NUGGC: variants seen among roughly 807,000 people sequenced by gnomAD.
NUGGC encodes the protein nuclear GTPase, germinal center associated.
NUGGC carries 58 observed loss-of-function variants against 92.6 expected under a neutral mutation model. The observed-to-expected ratio is 0.63, with a 90% CI of 0.51 to 0.78. The LOEUF is 0.78. Among genes scored for constraint, NUGGC ranks in the 30% least tolerant of loss-of-function variants. NUGGC has a pLI of 0.00. For missense variants in NUGGC, 925 were observed against 964.6 expected (o/e 0.96, Z 0.54); for synonymous variants, 376 against 366.4 (o/e 1.03, Z -0.30).
intron 7 of NUGGC, among the ~76,000 whole-genome samples, chr8:28,061,767 C>T (rs1810311683): frequency 6.6e-6 from 1 of 152,116 alleles, no homozygotes; most frequent in Admixed American, 6.5e-5. Flanking sequence ...TGTCTGGAGA[C>T]ATTTTTAATT....
rs774831269 is a variant in NUGGC at position 28,026,967 on chromosome 8, A to G, written c.2240T>C (p.Leu747Pro). 6 of 1,611,074 alleles carry G rather than the reference A, an allele frequency of 3.7e-6. No homozygotes were observed. The highest frequency in any genetic ancestry group is 5.1e-6 in the Non-Finnish European group (6 of 1,177,300). The change falls in exon 18 of 19, where the codon CTT (leucine) becomes CCT (proline). Residue 747 changes from leucine to proline, a missense_variant. Leu to Pro is a moderately conservative substitution (Grantham distance 98). Transcript: ENST00000413272. Reference protein sequence around the residue: ...SSQGDGLYKELADVGSEYKEM... With the variant: ...SSQGDGLYKEPADVGSEYKEM... ...CAAAGCTTTGGCGTATTTACCTGCA[A>G]GCTCCTTGTAGAGGCCATCCCCCTG...
Position 28,023,281 on chromosome 8 carries a change from G to C in NUGGC, c.*36C>G, listed in dbSNP as rs1264665031. On this transcript the variant is annotated 3_prime_UTR_variant, in exon 19 of 19. Coordinates refer to ENST00000413272, the MANE Select transcript of NUGGC (RefSeq NM_001010906.2). ...AGTAATTCTAATTCTCTGGCTCTGGGCTGATTTTTCATCCATTGGGACTAA... is the reference window on the plus strand; with the variant it reads ...AGTAATTCTAATTCTCTGGCTCTGGCCTGATTTTTCATCCATTGGGACTAA... 1 of 1,596,354 alleles carries C rather than the reference G, an allele frequency of 6.3e-7. No individual in the cohort carries two copies.
chr8:28,069,635 G>A lies in NUGGC; in HGVS notation c.166C>T (p.Arg56Trp), dbSNP rs376712154. The change falls in exon 4 of 19, where the codon CGG becomes TGG. Residue 56 changes from arginine (R) to tryptophan (W), a missense_variant. Transcript: ENST00000413272. ...ALKEYEKLES[R>W]TRRVLSNTYQ... Reference sequence around the variant, plus strand: ...GTGTTGCTCAAAACCCTTCTGGTCCGTGATTCCAATTTTTCATCTGGAATT... The same window carrying A: ...GTGTTGCTCAAAACCCTTCTGGTCCATGATTCCAATTTTTCATCTGGAATT... The A allele has an allele frequency of 1.3e-5, 21 of 1,606,550 alleles. No individual in the cohort carries two copies. The highest frequency in any genetic ancestry group is 3.3e-5 in the South Asian group (3 of 90,950).
chr8:28,067,710 A>G lies in NUGGC; in HGVS notation c.515T>C (p.Leu172Pro). Residue 172 changes from leucine (L) to proline (P), a missense_variant, in exon 6 of 19, where the codon CTC becomes CCC. Transcript: ENST00000413272. ...WREELKNLTK[L>P]LHRTEELSRE... ...GCTCAGCTCCTCCGTCCTATGCAGG[A>G]GTTTGGTCAGGTTCTTCAGCTCCTC... 1 of 1,613,806 alleles carries G rather than the reference A, an allele frequency of 6.2e-7. No individual in the cohort carries two copies. The highest frequency in any genetic ancestry group is 8.5e-7 in the Non-Finnish European group (1 of 1,179,804).
chr8:28,076,615 T>C (rs770094485), intron 1 of NUGGC, among the ~76,000 whole-genome samples: 29 of 152,094 alleles, frequency 1.9e-4, no homozygotes, highest in Non-Finnish European at 4.1e-4. Flanking sequence ...ATTTTTGGTA[T>C]GTTAGAGTCC....
In NUGGC at chr8:28,023,099, G is replaced by T. The variant is rs1809159498; in HGVS notation, c.*218C>A. On this transcript the variant is annotated 3_prime_UTR_variant, in exon 19 of 19. Coordinates refer to ENST00000413272, the MANE Select transcript of NUGGC (RefSeq NM_001010906.2). Reference sequence around the variant, plus strand: ...AAAAAAAAAAAAAAATTACCCAGGTGTGGTGGCCTGTACCTGTAGCCCCAG... The same window carrying T: ...AAAAAAAAAAAAAAATTACCCAGGTTTGGTGGCCTGTACCTGTAGCCCCAG... 1.4e-5 allele frequency: 6 copies of T among 435,206 alleles called. No homozygotes were observed. The highest frequency in any genetic ancestry group is 2.0e-5 in the Non-Finnish European group (5 of 248,400). The allele number at this position is 435,206 out of a possible 1,614,324, so 27.0% of individuals were successfully genotyped here. A position where few individuals can be genotyped will look rare whatever the true frequency, so the allele number is the denominator to read the frequency against.
chr8:28,031,877 C>T (rs1809425757), intron 14 of NUGGC, among the ~76,000 whole-genome samples: 1 of 152,250 alleles, frequency 6.6e-6, no homozygotes, highest in South Asian at 2.1e-4. Context: ...GGAGAGAGCA[C>T]AAGCTTTAAA....
chr8:28,059,121 C>G (rs1810227182), intron 8 of NUGGC, among the ~76,000 whole-genome samples: 1 of 152,098 alleles, frequency 6.6e-6, no homozygotes, highest in South Asian at 2.1e-4. Context: ...CAACCCAGAC[C>G]ATGACAGCAA....
At chr8:28,041,349 C>T in intron 12 of NUGGC, 134 bp from the exon 13 acceptor site, 1 of 828,692 alleles carries the variant, frequency 1.2e-6, no homozygotes, top group Non-Finnish European at 1.9e-6. Flanking sequence ...TCTTTATTGT[C>T]CCCATAAGAC....
At chr8:28,081,298 A>C (rs770944361) in intron 1 of NUGGC, among the ~76,000 whole-genome samples, 19 of 152,126 alleles carry the variant, frequency 1.2e-4, no homozygotes, top group Non-Finnish European at 1.9e-4. Context: ...CAGCCTGGGC[A>C]ACAGAGCGAG....
Position 28,041,512 on chromosome 8 carries a change from A to C in NUGGC, c.1447-297T>G, listed in dbSNP as rs966357109. On this transcript the variant is annotated intron_variant, in intron 12 of 18. Coordinates refer to ENST00000413272, the MANE Select transcript of NUGGC (RefSeq NM_001010906.2). ...TGTAATCCATCAGGTTATTTGGGGAAGTAGCTATCCACATAGAAATCCAAT... is the reference window on the plus strand; with the variant it reads ...TGTAATCCATCAGGTTATTTGGGGACGTAGCTATCCACATAGAAATCCAAT... 5.9e-5 allele frequency among the ~76,000 whole-genome samples: 9 copies of C among 152,278 alleles called. No individual in the cohort carries two copies. In the South Asian group the frequency reaches 8.3e-4, roughly 14 times the overall value.
intron 3 of NUGGC, 77 bp downstream of exon 3, chr8:28,070,175 C>T: frequency 6.7e-7 from 1 of 1,482,914 alleles, no homozygotes; most frequent in Non-Finnish European, 9.0e-7. Flanking sequence ...AGAATTTAAC[C>T]TCCTCTTCCT....
At chr8:28,066,252 T>A (rs1810438892) in intron 6 of NUGGC, among the ~76,000 whole-genome samples, 1 of 152,268 alleles carries the variant, frequency 6.6e-6, no homozygotes, top group African/African-American at 2.4e-5. Flanking sequence ...GTAATCATTT[T>A]AATAGTAATA....
chr8:28,067,420 A>G (rs987361767), intron 6 of NUGGC, 94 bp downstream of exon 6: 1 of 782,514 alleles, frequency 1.3e-6, no homozygotes, highest in African/African-American at 1.7e-5. Context: ...TATTTCACAC[A>G]AACACTGTAC....
At chr8:28,073,782 A>G (rs1225422416) in intron 2 of NUGGC, among the ~76,000 whole-genome samples, 1 of 152,078 alleles carries the variant, frequency 6.6e-6, no homozygotes, top group Non-Finnish European at 1.5e-5. Context: ...TTGGACAGAG[A>G]GTCCAAGCTG....
chr8:28,070,310 T>C lies in NUGGC; in HGVS notation c.90A>G (p.Ser30=), dbSNP rs536899446. ...ATGCTCGGAACCGCTGGTCTCGATC[T>C]GATTTCCTTCTTTTTCTCGTTCGTT... The part of the protein sequence containing the change: ...YKERTRKRRK[S]DRDQRFRAFP... The change falls in exon 3 of 19, where the codon TCA becomes TCG. Residue 30 remains serine, a synonymous_variant. Coordinates refer to ENST00000413272, the MANE Select transcript of NUGGC (RefSeq NM_001010906.2). 75 of 1,552,806 alleles carry C rather than the reference T, an allele frequency of 4.8e-5. No homozygotes were observed. In the East Asian group the frequency reaches 1.8e-3, roughly 37 times the overall value.
chr8:28,073,471 C>G (rs1418181138), intron 2 of NUGGC, among the ~76,000 whole-genome samples: 4 of 152,164 alleles, frequency 2.6e-5, no homozygotes, highest in East Asian at 1.9e-4. Flanking sequence ...GCACTTTGCC[C>G]CTAAGGAAAT....
At chr8:28,057,108 T>A (rs901519852) in intron 9 of NUGGC, among the ~76,000 whole-genome samples, 2 of 152,132 alleles carry the variant, frequency 1.3e-5, no homozygotes, top group Non-Finnish European at 2.9e-5. Flanking sequence ...CCATGTGAAG[T>A]CCAGTGATCC....
At chr8:28,054,776 G>A (rs1286007022) in intron 10 of NUGGC, among the ~76,000 whole-genome samples, 1 of 151,740 alleles carries the variant, frequency 6.6e-6, no homozygotes, top group African/African-American at 2.4e-5. Context: ...GAGCACTGTG[G>A]TGCTTGCCGA....
Sources: gnomAD v4.1 joint callset for allele counts (sites outside exome capture counted in the v4.1 genomes callset) on GRCh38, gnomAD v4.1.1 for gene constraint, MANE v1.5 for transcripts, NCBI Gene and HGNC (gene_info 2026-07-23, HGNC 2026-07-21) for gene names.